Variants in COL14A1 observed in about 807,000 individuals in gnomAD.
The protein encoded by COL14A1 is collagen alpha-1(XIV) chain.
COL14A1 carries 136 observed loss-of-function variants against 230.3 expected under a neutral mutation model. The observed-to-expected ratio is 0.59, with a 90% CI of 0.51 to 0.68. The LOEUF is 0.68. Among genes scored for constraint, COL14A1 ranks in the 30% least tolerant of loss-of-function variants. The pLI, the probability that COL14A1 is intolerant of heterozygous loss-of-function variation, is 0.00. For missense variants in COL14A1, 1,976 were observed against 2,215.8 expected (o/e 0.89, Z 2.17); for synonymous variants, 792 against 784.1 (o/e 1.01, Z -0.17).
chr8:120,180,534 C>G (rs1444588047), intron 5 of COL14A1, among the ~76,000 whole-genome samples: 2 of 152,082 alleles, frequency 1.3e-5, no homozygotes, highest in East Asian at 3.9e-4. Flanking sequence ...GGGTCTCAAT[C>G]CAGTATCCGT....
intron 8 of COL14A1, among the ~76,000 whole-genome samples, chr8:120,202,863 G>A (rs6980799): frequency 0.57 from 86,299 of 151,096 alleles, 26,110 homozygotes; most frequent in African/African-American, 0.78. Flanking sequence ...GAAGGACCAG[G>A]AATTTTCTAT....
At chr8:120,163,490 G>A (rs1815760721) in intron 4 of COL14A1, among the ~76,000 whole-genome samples, 1 of 152,198 alleles carries the variant, frequency 6.6e-6, no homozygotes, top group African/African-American at 2.4e-5. Context: ...CAGGCTGGGT[G>A]CGTTGACTCA....
At chr8:120,244,158 C>T in intron 20 of COL14A1, 150 bp downstream of exon 20, 2 of 913,076 alleles carry the variant, frequency 2.2e-6, no homozygotes, top group Non-Finnish European at 3.2e-6. Context: ...TGTCTTTACA[C>T]ACACAAGCTA....
intron 5 of COL14A1, among the ~76,000 whole-genome samples, chr8:120,175,808 A>G (rs541652307): frequency 2.6e-5 from 4 of 152,354 alleles, no homozygotes; most frequent in Non-Finnish European, 5.9e-5. Context: ...TTGGCACACA[A>G]TCCTTCACTA....
intron 23 of COL14A1, among the ~76,000 whole-genome samples, chr8:120,258,861 T>A (rs1819242934): frequency 6.6e-6 from 1 of 152,216 alleles, no homozygotes; most frequent in Non-Finnish European, 1.5e-5. Context: ...TCTCTCCAGC[T>A]GTTTTTGAGT....
intron 19 of COL14A1, among the ~76,000 whole-genome samples, chr8:120,236,748 G>T (rs1393399329): frequency 6.6e-6 from 1 of 152,140 alleles, no homozygotes; most frequent in Non-Finnish European, 1.5e-5. Context: ...TTTTGCAGTG[G>T]CTGGTACCGG....
rs372816216 is a variant in COL14A1 at position 120,196,773 on chromosome 8, C to T, written c.437-18C>T. On this transcript the variant is annotated intron_variant, in intron 5 of 47. Transcript: ENST00000297848. The stretch of plus-strand genomic sequence containing the variant: ...CTCTGACAGTAACACATGCGCTTTT[C>T]TGGTTTGTGCTTTGCAGAAGTGAAA... The T allele has an allele frequency of 6.2e-7, 1 of 1,610,324 alleles. No individual in the cohort carries two copies. Among genetic ancestry groups the T allele is most frequent in the African/African-American group, 1.3e-5 (1 of 74,802 alleles).
At chr8:120,264,050 C>G (rs1160464680) in intron 24 of COL14A1, among the ~76,000 whole-genome samples, 1 of 152,058 alleles carries the variant, frequency 6.6e-6, no homozygotes, top group Non-Finnish European at 1.5e-5. Flanking sequence ...TGAGTTGTAT[C>G]AGCATCCCTA....
chr8:120,265,096 C>G (rs1455223090), intron 24 of COL14A1, among the ~76,000 whole-genome samples: 3 of 152,254 alleles, frequency 2.0e-5, no homozygotes, highest in African/African-American at 7.2e-5. Context: ...CCCCTCACAT[C>G]CTTGAAGACA....
At chr8:120,306,325 A>C (rs1244011030) in intron 36 of COL14A1, among the ~76,000 whole-genome samples, 1 of 152,188 alleles carries the variant, frequency 6.6e-6, no homozygotes, top group Non-Finnish European at 1.5e-5. Flanking sequence ...GAAGCAGCAG[A>C]GATGTGAAAG....
intron 5 of COL14A1, among the ~76,000 whole-genome samples, chr8:120,186,718 C>T (rs1043222026): frequency 2.6e-5 from 4 of 152,218 alleles, no homozygotes; most frequent in Admixed American, 2.6e-4. Flanking sequence ...GCCATCATGG[C>T]TCATTTCTCT....
intron 11 of COL14A1, among the ~76,000 whole-genome samples, chr8:120,209,554 T>G (rs1195524415): frequency 6.6e-6 from 1 of 152,096 alleles, no homozygotes; most frequent in Non-Finnish European, 1.5e-5. Context: ...CAGGGTCACA[T>G]TAGGGAGGGT....
chr8:120,372,809 C>T lies in COL14A1; in HGVS notation c.*1578C>T, dbSNP rs573817939. On this transcript the variant is annotated 3_prime_UTR_variant, in exon 48 of 48. Transcript: ENST00000297848. ...GGATTCAAACAATCTACTTGTGTGC[C>T]TTTGGTGGGGTGGGGCAGGGGCGGG... Among the ~76,000 whole-genome samples, 159 of 140,020 alleles carry T rather than the reference C, an allele frequency of 1.1e-3. 1 individual carries two copies. Among genetic ancestry groups the T allele is most frequent in the African/African-American group, 3.9e-3 (153 of 39,084 alleles). 91.9% of individuals were successfully genotyped at this position (140,020 alleles called of 152,430 possible).
chr8:120,321,266 C>A (rs1455493103), intron 40 of COL14A1, among the ~76,000 whole-genome samples: 1 of 152,132 alleles, frequency 6.6e-6, no homozygotes, highest in African/African-American at 2.4e-5. Context: ...TACACCTTTA[C>A]CTGGAGAGTG....
intron 45 of COL14A1, among the ~76,000 whole-genome samples, chr8:120,362,556 G>A (rs984390056): frequency 1.9e-4 from 29 of 152,294 alleles, no homozygotes; most frequent in Non-Finnish European, 5.9e-5. Context: ...AAATATTGAC[G>A]AGTCAGTGTT....
At chr8:120,225,806 A>G (rs190509193) in intron 15 of COL14A1, among the ~76,000 whole-genome samples, 110 of 152,198 alleles carry the variant, frequency 7.2e-4, no homozygotes, top group African/African-American at 2.6e-3. Context: ...TGAACTTATC[A>G]TGGATTGCAC....
intron 45 of COL14A1, among the ~76,000 whole-genome samples, chr8:120,361,852 C>T (rs1823231081): frequency 6.6e-6 from 1 of 152,154 alleles, no homozygotes; most frequent in Non-Finnish European, 1.5e-5. Context: ...AACTCAGAGG[C>T]CAACAGGCCA....
intron 13 of COL14A1, among the ~76,000 whole-genome samples, chr8:120,215,904 T>C (rs1273481978): frequency 6.6e-6 from 1 of 152,190 alleles, no homozygotes; most frequent in Non-Finnish European, 1.5e-5. Flanking sequence ...GCCTAATAGA[T>C]ACCAACGTGG....
intron 1 of COL14A1, among the ~76,000 whole-genome samples, chr8:120,145,113 C>A (rs1815043350): frequency 6.6e-6 from 1 of 152,024 alleles, no homozygotes; most frequent in Non-Finnish European, 1.5e-5. Context: ...ATTTAAATAG[C>A]CAACAAACAC....
Sources: allele counts gnomAD v4.1 joint callset (sites outside exome capture counted in the v4.1 genomes callset), GRCh38; gene constraint gnomAD v4.1.1; transcripts MANE v1.5; gene names NCBI Gene and HGNC (gene_info 2026-07-23, HGNC 2026-07-21).